GRID2: variants seen among roughly 807,000 people sequenced by gnomAD.
GRID2 encodes the protein glutamate ionotropic receptor delta type subunit 2.
GRID2 carries 33 observed loss-of-function variants against 114.8 expected under a neutral mutation model. That is an observed-to-expected ratio of 0.29 (90% CI 0.22 to 0.38). GRID2 has a LOEUF of 0.38. Among genes scored for constraint, GRID2 ranks in the 10% least tolerant of loss-of-function variants. The probability of loss-of-function intolerance (pLI) is 1.00; values close to 1 mark genes in which losing one functional copy is unlikely to be tolerated. For missense variants in GRID2, 1,184 were observed against 1,257.7 expected, an observed-to-expected ratio of 0.94 and a Z score of 0.89; for synonymous variants, 505 against 449.9, an observed-to-expected ratio of 1.12 and a Z score of -1.55.
At chr4:92,740,690 TGATAGA>T (rs750608827) in intron 2 of GRID2, among the ~76,000 whole-genome samples, 1 of 121,224 alleles carries the variant, frequency 8.2e-6, no homozygotes, top group Non-Finnish European at 1.8e-5. Flanking sequence ...GATAGATAGA[TGATAGA>T]TAGATAGATA....
chr4:92,639,651 G>C (rs1255502226), intron 2 of GRID2, among the ~76,000 whole-genome samples: 3 of 151,616 alleles, frequency 2.0e-5, no homozygotes, highest in African/African-American at 7.3e-5. Context: ...GGGGGAATGA[G>C]GGGGGCCTGG....
intron 4 of GRID2, among the ~76,000 whole-genome samples, chr4:93,186,907 G>C (rs1202670799): frequency 6.6e-6 from 1 of 152,180 alleles, no homozygotes; most frequent in East Asian, 1.9e-4. Context: ...ATTGCTCACA[G>C]TTATGGAGGC....
chr4:92,791,782 A>G (rs1739604067), intron 2 of GRID2, among the ~76,000 whole-genome samples: 1 of 151,814 alleles, frequency 6.6e-6, no homozygotes, highest in Non-Finnish European at 1.5e-5. Flanking sequence ...TTTAGGCAGA[A>G]CTTTATAAGC....
At chr4:93,523,756 A>G (rs1424934953) in intron 13 of GRID2, among the ~76,000 whole-genome samples, 1 of 152,110 alleles carries the variant, frequency 6.6e-6, no homozygotes, top group Non-Finnish European at 1.5e-5. Context: ...CAGCAGCTGA[A>G]AGTCTTGAGG....
At chr4:92,676,169 CCT>C (rs1491412910) in intron 2 of GRID2, among the ~76,000 whole-genome samples, 27 of 85,712 alleles carry the variant, frequency 3.2e-4, no homozygotes, top group East Asian at 7.7e-4. Context: ...CCCCCCCCCC[CCT>C]TTTTTTTTTG....
chr4:92,774,375 A>G (rs1445432234), intron 2 of GRID2, among the ~76,000 whole-genome samples: 1 of 152,140 alleles, frequency 6.6e-6, no homozygotes, highest in Non-Finnish European at 1.5e-5. Flanking sequence ...AAACTTTTGA[A>G]GAAATGCATC....
chr4:93,002,980 T>A (rs2149219093), intron 2 of GRID2, among the ~76,000 whole-genome samples: 1 of 151,970 alleles, frequency 6.6e-6, no homozygotes, highest in East Asian at 1.9e-4. Flanking sequence ...CTAATTGTTT[T>A]TATGTTGTCA....
At chr4:93,037,531 T>C (rs1222511044) in intron 2 of GRID2, among the ~76,000 whole-genome samples, 1 of 152,198 alleles carries the variant, frequency 6.6e-6, no homozygotes. Context: ...ATGTCCTGAA[T>C]GGTATTGCCT....
At chr4:92,600,645 G>T (rs1300256578) in intron 2 of GRID2, among the ~76,000 whole-genome samples, 1 of 152,100 alleles carries the variant, frequency 6.6e-6, no homozygotes, top group Non-Finnish European at 1.5e-5. Context: ...CTTCTGTAGG[G>T]CTGCTGTGGT....
intron 2 of GRID2, among the ~76,000 whole-genome samples, chr4:92,959,080 A>G (rs1355241996): frequency 1.4e-5 from 1 of 73,368 alleles, no homozygotes; most frequent in South Asian, 3.9e-4. Flanking sequence ...TTTTTTCCTT[A>G]GCCTGGCTAA....
rs1764447568 is a variant in GRID2, at chr4:93,387,628, G to A, written c.1246-7979G>A. Among the ~76,000 whole-genome samples, 3 of 152,112 alleles carry A rather than the reference G, an allele frequency of 2.0e-5. No individual in the cohort carries two copies. The South Asian group carries it at 6.2e-4, about 32-fold the overall frequency. ...GTGGATCACCTGAGGTCAGGAGTTT[G>A]AGACCAGCCTGGCCAACACAGTGGA... On this transcript the variant is annotated intron_variant, in intron 8 of 15. Transcript: ENST00000282020.
In GRID2 at chr4:93,050,511, TGTG is replaced by T. The variant is rs1447863856; in HGVS notation, c.245-34483_245-34481del. On this transcript the variant is annotated intron_variant, in intron 2 of 15. Transcript: ENST00000282020. The stretch of plus-strand genomic sequence containing the variant: ...TGACCAGACAAAGAATAATACCTGG[TGTG>T]TGTGTGTGTGTGTGTGTGTGTGTGT... Among the ~76,000 whole-genome samples the T allele has an allele frequency of 6.4e-4, 12 of 18,744 alleles. No individual in the cohort carries two copies. The African/African-American group carries it at 8.7e-3, about 14-fold the overall frequency. 12.3% of individuals were successfully genotyped at this position (18,744 alleles called of 152,430 possible).
chr4:93,721,346 C>G (rs1056478291), intron 14 of GRID2, among the ~76,000 whole-genome samples: 1 of 152,158 alleles, frequency 6.6e-6, no homozygotes, highest in Non-Finnish European at 1.5e-5. Context: ...TTCTTAGCAA[C>G]TTAAATACTT....
At chr4:92,716,736 C>T (rs896421761) in intron 2 of GRID2, among the ~76,000 whole-genome samples, 11 of 152,262 alleles carry the variant, frequency 7.2e-5, no homozygotes, top group Middle Eastern at 3.4e-3. Context: ...TCCTATTATA[C>T]GCTTTGAGTC....
chr4:93,596,252 TC>T (rs1412148748), intron 13 of GRID2, among the ~76,000 whole-genome samples: 1 of 152,228 alleles, frequency 6.6e-6, no homozygotes, highest in African/African-American at 2.4e-5. Context: ...TAATAATATT[TC>T]TAATACCCCA....
intron 1 of GRID2, among the ~76,000 whole-genome samples, chr4:92,488,062 T>A (rs766887537): frequency 7.2e-5 from 11 of 152,174 alleles, no homozygotes; most frequent in Non-Finnish European, 1.6e-4. Context: ...ATTCTGTTGA[T>A]GAATTCACTG....
intron 13 of GRID2, among the ~76,000 whole-genome samples, chr4:93,602,114 G>C (rs575338782): frequency 6.6e-6 from 1 of 152,152 alleles, no homozygotes; most frequent in Non-Finnish European, 1.5e-5. Context: ...TAATTTAAGA[G>C]TTAGTTTACT....
chr4:92,427,966 A>C (rs975572204), intron 1 of GRID2, among the ~76,000 whole-genome samples: 1 of 152,132 alleles, frequency 6.6e-6, no homozygotes, highest in Admixed American at 6.6e-5. Flanking sequence ...AATGCTAATA[A>C]AAATAATAGT....
chr4:93,681,908 A>G (rs1725588378), intron 14 of GRID2, among the ~76,000 whole-genome samples: 1 of 151,640 alleles, frequency 6.6e-6, no homozygotes, highest in South Asian at 2.1e-4. Flanking sequence ...AGCAATGGCA[A>G]CAAAAGCCAA....
Sources: allele counts gnomAD v4.1 joint callset (sites outside exome capture counted in the v4.1 genomes callset), GRCh38; gene constraint gnomAD v4.1.1; transcripts MANE v1.5; gene names NCBI Gene and HGNC (gene_info 2026-07-23, HGNC 2026-07-21).